The following BCO2 variants were observed in gnomAD, a reference collection of about 807,000 sequenced individuals.
BCO2 encodes beta-carotene oxygenase 2.
A neutral mutation model predicts 65.8 loss-of-function variants in BCO2; 56 were observed. The observed-to-expected ratio is 0.85, with a 90% CI of 0.69 to 1.06. The LOEUF (loss-of-function observed/expected upper bound fraction) is 1.06. Among genes scored for constraint, BCO2 ranks in the 50% least tolerant of loss-of-function variants. The pLI is 0.00. For missense variants in BCO2, 675 were observed against 698.5 expected, an observed-to-expected ratio of 0.97 and a Z score of 0.38; for synonymous variants, 233 against 242.3, an observed-to-expected ratio of 0.96 and a Z score of 0.36.
intron 2 of BCO2, among the ~76,000 whole-genome samples, chr11:112,180,337 A>G (rs1867000415): frequency 1.3e-5 from 2 of 152,200 alleles, no homozygotes; most frequent in African/African-American, 4.8e-5. Flanking sequence ...GGCTGACTGT[A>G]TTAATTATAA....
At chr11:112,188,210 G>A (rs1336149001) in intron 2 of BCO2, among the ~76,000 whole-genome samples, 1 of 152,154 alleles carries the variant, frequency 6.6e-6, no homozygotes, top group Non-Finnish European at 1.5e-5. Flanking sequence ...CTCCATCCCA[G>A]TTAAAGCATC....
intron 2 of BCO2, among the ~76,000 whole-genome samples, chr11:112,191,376 G>A (rs1260683004): frequency 1.3e-5 from 2 of 152,024 alleles, no homozygotes; most frequent in Admixed American, 1.3e-4. Context: ...AGAACATAAT[G>A]GTAGGGAAAC....
chr11:112,185,256 A>G (rs2059959), intron 2 of BCO2, among the ~76,000 whole-genome samples: 58,638 of 151,978 alleles, frequency 0.39, 11,752 homozygotes, highest in South Asian at 0.6. Flanking sequence ...AGATCTAAAC[A>G]TGGTGTGCTT....
chr11:112,206,960 CT>C (rs1199418820), intron 8 of BCO2, among the ~76,000 whole-genome samples: 6 of 152,102 alleles, frequency 3.9e-5, no homozygotes, highest in Admixed American at 2.0e-4. Flanking sequence ...TAAATGGTAT[CT>C]TTTAAGCTTT....
intron 7 of BCO2, among the ~76,000 whole-genome samples, chr11:112,201,022 ACT>A (rs1197403028): frequency 1.3e-5 from 2 of 152,024 alleles, no homozygotes; most frequent in African/African-American, 2.4e-5. Flanking sequence ...CATCCAGGAA[ACT>A]CTCTTAGCAT....
intron 5 of BCO2, among the ~76,000 whole-genome samples, chr11:112,198,858 CT>C (rs34582291): frequency 0.38 from 55,639 of 145,178 alleles, 10,586 homozygotes; most frequent in South Asian, 0.6. Flanking sequence ...TGGCTGCTAT[CT>C]TTTTTTTTTT....
intron 3 of BCO2, 63 bp from the exon 4 acceptor site, chr11:112,193,816 T>G: frequency 6.8e-7 from 1 of 1,462,962 alleles, no homozygotes; most frequent in Non-Finnish European, 9.6e-7. Context: ...TCCCTTTGAG[T>G]GTGTGCTTAG....
In BCO2 at chr11:112,191,022, C is replaced by T. The variant is rs188593843; in HGVS notation, c.294-2452C>T. On this transcript the variant is annotated intron_variant, in intron 2 of 11. Coordinates refer to ENST00000357685, the MANE Select transcript of BCO2 (RefSeq NM_031938.7). ...TATCTCTATCTATTATATCTTGGTG[C>T]TACAAGCAGTAATACTACATTGGAA... Among the ~76,000 whole-genome samples the T allele has an allele frequency of 3.3e-5, 5 of 150,368 alleles. No homozygotes were observed. The East Asian group carries it at 9.7e-4, about 29-fold the overall frequency.
chr11:112,190,077 G>A (rs955804347), intron 2 of BCO2, among the ~76,000 whole-genome samples: 1 of 152,160 alleles, frequency 6.6e-6, no homozygotes, highest in Non-Finnish European at 1.5e-5. Context: ...CTTGAGGCCA[G>A]GAGCTTGAGA....
intron 2 of BCO2, among the ~76,000 whole-genome samples, chr11:112,182,432 C>G (rs1206440415): frequency 2.0e-5 from 3 of 152,176 alleles, no homozygotes; most frequent in East Asian, 1.9e-4. Context: ...TTCACAATAG[C>G]AAAGTCTTGG....
chr11:112,211,239 T>A (rs762507044), intron 8 of BCO2, among the ~76,000 whole-genome samples: 1 of 152,118 alleles, frequency 6.6e-6, no homozygotes, highest in Non-Finnish European at 1.5e-5. Context: ...TCACTTAGCA[T>A]AATGTTTTCA....
At position 112,213,131 on chromosome 11, in the gene BCO2, C is replaced by CTTTTTTTT. The variant is rs35527541; in HGVS notation, c.1195-571_1195-564dup. 9.8e-4 allele frequency among the ~76,000 whole-genome samples: 62 copies of CTTTTTTTT among 63,110 alleles called. 8 individuals are homozygous for CTTTTTTTT. Among genetic ancestry groups the CTTTTTTTT allele is most frequent in the African/African-American group, 2.8e-3 (37 of 13,370 alleles). The allele number at this position is 63,110 out of a possible 152,430, so 41.4% of individuals were successfully genotyped here. A position where few individuals can be genotyped will look rare whatever the true frequency, so the allele number is the denominator to read the frequency against. ...TGTTTATTTGATGCTAATTAAATAA[C>CTTTTTTTT]TTTTTTTTTTTTTTTTTTTTTTTTT... On this transcript the variant is annotated intron_variant, in intron 8 of 11. Transcript: ENST00000357685.
Position 112,179,322 on chromosome 11 carries a change from T to C in BCO2, c.133T>C (p.Phe45Leu). 6.2e-7 allele frequency: 1 copy of C among 1,614,234 alleles called. No individual in the cohort carries two copies. The change falls in exon 2 of 12, where the codon TTT becomes CTT. Residue 45 changes from phenylalanine to leucine, a missense_variant. Transcript: ENST00000357685. Reference protein sequence around the residue: ...MGNTPQKKAVFGQCRGLPCVA... With the variant: ...MGNTPQKKAVLGQCRGLPCVA... Reference sequence around the variant, plus strand: ...AAATACTCCTCAGAAAAAAGCCGTCTTTGGGCAGTGTCGGGGTCTGCCATG... The same window carrying C: ...AAATACTCCTCAGAAAAAAGCCGTCCTTGGGCAGTGTCGGGGTCTGCCATG...
intron 5 of BCO2, among the ~76,000 whole-genome samples, chr11:112,195,067 T>G (rs559997912): frequency 6.6e-6 from 1 of 152,338 alleles, no homozygotes; most frequent in East Asian, 1.9e-4. Context: ...ATAAATTAAC[T>G]CTGTTAACCA....
At chr11:112,208,806 G>A in intron 8 of BCO2, 1 of 192,352 alleles carries the variant, frequency 5.2e-6, no homozygotes. Flanking sequence ...ACCAGACACT[G>A]CAGAAGTAAT....
intron 10 of BCO2, among the ~76,000 whole-genome samples, chr11:112,215,923 G>T (rs1347088740): frequency 1.3e-5 from 2 of 152,090 alleles, no homozygotes; most frequent in Non-Finnish European, 2.9e-5. Flanking sequence ...AAGACAGAGA[G>T]GAGGAGGTGC....
intron 2 of BCO2, among the ~76,000 whole-genome samples, chr11:112,186,176 C>G (rs1867195410): frequency 1.3e-5 from 2 of 152,206 alleles, no homozygotes; most frequent in African/African-American, 2.4e-5. Flanking sequence ...TAAACAGCCT[C>G]TTACAGAGGG....
At chr11:112,191,528 A>G (rs549323548) in intron 2 of BCO2, among the ~76,000 whole-genome samples, 3 of 152,314 alleles carry the variant, frequency 2.0e-5, no homozygotes, top group Non-Finnish European at 4.4e-5. Context: ...TCAACATCAT[A>G]GAGATGTCCC....
At chr11:112,210,751 TACAC>T (rs1254017360) in intron 8 of BCO2, among the ~76,000 whole-genome samples, 1 of 45,112 alleles carries the variant, frequency 2.2e-5, no homozygotes, top group East Asian at 5.7e-4. Context: ...TAGAACTAAA[TACAC>T]GCACACACAC....
Sources: gnomAD v4.1 joint callset for allele counts (sites outside exome capture counted in the v4.1 genomes callset) on GRCh38, gnomAD v4.1.1 for gene constraint, MANE v1.5 for transcripts, NCBI Gene and HGNC (gene_info 2026-07-23, HGNC 2026-07-21) for gene names.